Variants in LCOR observed in about 807,000 individuals in gnomAD.
LCOR encodes the protein ligand-dependent corepressor.
LCOR carries 14 observed loss-of-function variants against 64.4 expected under a neutral mutation model. That is an observed-to-expected ratio of 0.22 (90% CI 0.14 to 0.34). The LOEUF (loss-of-function observed/expected upper bound fraction) is 0.34. Among genes scored for constraint, LCOR ranks in the 10% least tolerant of loss-of-function variants. The pLI, the probability that LCOR is intolerant of heterozygous loss-of-function variation, is 1.00. For missense variants in LCOR, 1,686 were observed against 1,765.3 expected, an observed-to-expected ratio of 0.96 and a Z score of 0.80; for synonymous variants, 643 against 642.5, an observed-to-expected ratio of 1.00 and a Z score of -0.01.
In LCOR at chr10:96,989,691, A is replaced by AT. The variant is rs1413808622; in HGVS notation, c.*4558dup. 4.1e-4 allele frequency: 33 copies of AT among 79,558 alleles called. No individual in the cohort carries two copies. The highest frequency in any genetic ancestry group is 2.4e-3 in the African/African-American group (31 of 12,936). The allele number at this position is 79,558 out of a possible 1,614,324, so 4.9% of individuals were successfully genotyped here. ...AGGATAAGGATATATATATATATAT[A>AT]TATATTTTTTTTTTTTTTTTTTTTT... On this transcript the variant is annotated 3_prime_UTR_variant, in exon 8 of 8. Coordinates refer to ENST00000421806, the MANE Select transcript of LCOR (RefSeq NM_001346516.2).
chr10:96,971,983 T>G (rs191704595), intron 7 of LCOR, among the ~76,000 whole-genome samples: 88 of 152,224 alleles, frequency 5.8e-4, no homozygotes, highest in African/African-American at 2.1e-3. Flanking sequence ...TAATACTTAG[T>G]TCAGTTCTAC....
chr10:96,964,984 A>G (rs1847933346), intron 7 of LCOR, among the ~76,000 whole-genome samples: 1 of 152,100 alleles, frequency 6.6e-6, no homozygotes, highest in Non-Finnish European at 1.5e-5. Context: ...CATAAAGAAC[A>G]GAGTATATGT....
At chr10:96,970,034 G>A (rs1403497605) in intron 7 of LCOR, among the ~76,000 whole-genome samples, 13 of 131,500 alleles carry the variant, frequency 9.9e-5, no homozygotes, top group Middle Eastern at 4.4e-3. Context: ...CTCATGATCC[G>A]CCCGCCTCAG....
chr10:96,958,311 C>CTA, intron 7 of LCOR: 1 of 1,516,704 alleles, frequency 6.6e-7, no homozygotes, highest in African/African-American at 1.4e-5. Context: ...ATGTGGTAGT[C>CTA]TATATAAGTG....
At chr10:96,903,083 CAT>C (rs1418910263) in intron 2 of LCOR, among the ~76,000 whole-genome samples, 1 of 152,072 alleles carries the variant, frequency 6.6e-6, no homozygotes, top group East Asian at 1.9e-4. Flanking sequence ...TGTATCTAAA[CAT>C]AGAAAAGGTA....
chr10:96,957,818 T>G, intron 7 of LCOR: 1 of 985,696 alleles, frequency 1.0e-6, no homozygotes, highest in Non-Finnish European at 1.2e-6. Context: ...TGGGTTCCTC[T>G]TGTTTTGGTT....
At chr10:96,914,723 T>C (rs1846908311) in intron 4 of LCOR, among the ~76,000 whole-genome samples, 1 of 152,190 alleles carries the variant, frequency 6.6e-6, no homozygotes, top group Non-Finnish European at 1.5e-5. Context: ...ATGCTCTGAA[T>C]GGGTAAAGTT....
At position 96,904,633 on chromosome 10, in the gene LCOR, A is replaced by G. The variant is rs569746058; in HGVS notation, c.-329-2632A>G. On this transcript the variant is annotated intron_variant, in intron 2 of 7. Coordinates refer to ENST00000421806, the MANE Select transcript of LCOR (RefSeq NM_001346516.2). ...TCGATAAAATAAATAATTTTTCTTT[A>G]TATGTGATATGTAAAGGTAGTTTTT... Among the ~76,000 whole-genome samples the G allele has an allele frequency of 7.2e-5, 11 of 152,322 alleles. No homozygotes were observed. The South Asian group carries it at 2.3e-3, about 32-fold the overall frequency.
chr10:96,895,316 G>T (rs972369619), intron 2 of LCOR, among the ~76,000 whole-genome samples: 3 of 152,130 alleles, frequency 2.0e-5, no homozygotes, highest in African/African-American at 7.2e-5. Context: ...GACCAAAAGT[G>T]TAAGTGTCAT....
At chr10:96,864,976 T>G (rs1312426910) in intron 2 of LCOR, among the ~76,000 whole-genome samples, 1 of 152,056 alleles carries the variant, frequency 6.6e-6, no homozygotes, top group Non-Finnish European at 1.5e-5. Context: ...TGGGGGTGGA[T>G]TGGAGTAATA....
intron 2 of LCOR, among the ~76,000 whole-genome samples, chr10:96,855,541 T>G (rs1845788945): frequency 6.6e-6 from 1 of 151,814 alleles, no homozygotes; most frequent in Admixed American, 6.6e-5. Flanking sequence ...TTCAAGCAAT[T>G]CTCCTGCCTC....
Position 96,869,389 on chromosome 10 carries a change from A to G in LCOR, c.-330+35910A>G, listed in dbSNP as rs368294034. On this transcript the variant is annotated intron_variant, in intron 2 of 7. Coordinates refer to ENST00000421806, the MANE Select transcript of LCOR (RefSeq NM_001346516.2). ...TACCACGGCCAGCTAATTTTTTTGTATTTTTAGTAGAGATGGGGTTTCACC... is the reference window on the plus strand; with the variant it reads ...TACCACGGCCAGCTAATTTTTTTGTGTTTTTAGTAGAGATGGGGTTTCACC... Among the ~76,000 whole-genome samples the G allele has an allele frequency of 3.3e-5, 5 of 151,510 alleles. No homozygotes were observed. The East Asian group carries it at 7.8e-4, about 24-fold the overall frequency.
chr10:96,942,991 C>T (rs1847521808), intron 4 of LCOR, among the ~76,000 whole-genome samples: 1 of 152,064 alleles, frequency 6.6e-6, no homozygotes. Flanking sequence ...CAAGGTATTG[C>T]CAACTTGGTC....
chr10:96,851,138 T>C (rs1284821833), intron 2 of LCOR, among the ~76,000 whole-genome samples: 1 of 152,214 alleles, frequency 6.6e-6, no homozygotes, highest in Non-Finnish European at 1.5e-5. Flanking sequence ...CTGATTGGTT[T>C]CACAAGCATT....
intron 2 of LCOR, among the ~76,000 whole-genome samples, chr10:96,849,506 A>G (rs1373353423): frequency 6.6e-6 from 1 of 152,156 alleles, no homozygotes; most frequent in Non-Finnish European, 1.5e-5. Context: ...CACCACGCCC[A>G]GCCAGGTTGA....
Position 96,989,484 on chromosome 10 carries a change from T to C in LCOR, c.*4350T>C, listed in dbSNP as rs1277854931. On this transcript the variant is annotated 3_prime_UTR_variant, in exon 8 of 8. Transcript: ENST00000421806. ...AATCCCAAAGCTTTGTTTATTCTTA[T>C]ATAATATTTTGGTACTGATACCTTT... is the stretch of plus-strand genomic sequence containing the variant. 6.6e-6 allele frequency: 1 copy of C among 151,970 alleles called. No homozygotes were observed. Among genetic ancestry groups the C allele is most frequent in the African/African-American group, 2.4e-5 (1 of 41,356 alleles). 9.4% of individuals were successfully genotyped at this position (151,970 alleles called of 1,614,324 possible).
intron 4 of LCOR, among the ~76,000 whole-genome samples, chr10:96,921,423 C>T (rs1003589191): frequency 1.1e-4 from 17 of 151,944 alleles, no homozygotes; most frequent in African/African-American, 3.6e-4. Flanking sequence ...TTTTTATATA[C>T]GGTGTACGGC....
At chr10:96,846,419 AT>A (rs932161217) in intron 2 of LCOR, among the ~76,000 whole-genome samples, 5 of 149,792 alleles carry the variant, frequency 3.3e-5, no homozygotes, top group African/African-American at 7.3e-5. Context: ...TGCCTGGCTA[AT>A]TTTTTTTTTC....
At chr10:96,884,036 TA>T (rs1015999835) in intron 2 of LCOR, among the ~76,000 whole-genome samples, 4 of 147,302 alleles carry the variant, frequency 2.7e-5, no homozygotes, top group African/African-American at 7.9e-5. Context: ...TACTGTTAAA[TA>T]TATAATAATT....
Sources: allele counts gnomAD v4.1 joint callset (sites outside exome capture counted in the v4.1 genomes callset), GRCh38; gene constraint gnomAD v4.1.1; transcripts MANE v1.5; gene names NCBI Gene and HGNC (gene_info 2026-07-23, HGNC 2026-07-21).